Variants in LRFN5 observed in about 807,000 individuals in gnomAD.
LRFN5 encodes the protein leucine-rich repeat and fibronectin type-III domain-containing protein 5.
In LRFN5, 24 loss-of-function variants were observed where a neutral mutation model predicts 45.6. That is an observed-to-expected ratio of 0.53 (90% CI 0.38 to 0.74). The LOEUF (loss-of-function observed/expected upper bound fraction) is 0.74. LRFN5 is among the 30% of genes least tolerant of loss of function. LRFN5 has a pLI of 0.00. For synonymous variants in LRFN5, 340 were observed against 313.8 expected, an observed-to-expected ratio of 1.08 and a Z score of -0.88; for missense variants, 776 against 861.5, an observed-to-expected ratio of 0.90 and a Z score of 1.24.
At chr14:41,609,049 T>C (rs1422482048) in intron 1 of LRFN5, among the ~76,000 whole-genome samples, 1 of 152,226 alleles carries the variant, frequency 6.6e-6, no homozygotes, top group East Asian at 1.9e-4. Flanking sequence ...CAGATCTTTT[T>C]AGTAGTTGTA....
intron 2 of LRFN5, among the ~76,000 whole-genome samples, chr14:41,813,871 T>C (rs1394110000): frequency 1.3e-5 from 2 of 151,814 alleles, no homozygotes; most frequent in East Asian, 3.9e-4. Context: ...CCTGACTTTT[T>C]AATCTAATTG....
intron 1 of LRFN5, among the ~76,000 whole-genome samples, chr14:41,702,822 G>T (rs955291152): frequency 4.0e-5 from 6 of 151,692 alleles, no homozygotes; most frequent in African/African-American, 7.3e-5. Context: ...TGGAGATAAG[G>T]ATATACACTA....
chr14:41,891,908 C>T lies in LRFN5; in HGVS notation c.2044C>T (p.Pro682Ser). Residue 682 changes from proline to serine, a missense_variant, in exon 4 of 6, where the codon CCT becomes TCT. This residue lies in a region of LRFN5 where 465 missense variants were observed against 456.4 expected (regional missense o/e 1.02). Transcript: ENST00000298119. Reference protein sequence around the residue: ...NSTALQLASRPPDSVTEGPTS... With the variant: ...NSTALQLASRSPDSVTEGPTS... Reference sequence around the variant, plus strand: ...AACTGCCTTGCAGTTAGCTAGCCGTCCTCCCGATTCTGTCACAGAGGGGCC... The same window carrying T: ...AACTGCCTTGCAGTTAGCTAGCCGTTCTCCCGATTCTGTCACAGAGGGGCC... 6.2e-7 allele frequency: 1 copy of T among 1,614,146 alleles called. No homozygotes were observed. The highest frequency in any genetic ancestry group is 8.5e-7 in the Non-Finnish European group (1 of 1,180,036).
chr14:41,639,782 GT>G (rs1879481513), intron 1 of LRFN5, among the ~76,000 whole-genome samples: 1 of 151,594 alleles, frequency 6.6e-6, no homozygotes, highest in South Asian at 2.1e-4. Flanking sequence ...TAATTAACTA[GT>G]TAATGTATTT....
At chr14:41,829,792 T>C (rs979666974) in intron 2 of LRFN5, among the ~76,000 whole-genome samples, 2 of 151,764 alleles carry the variant, frequency 1.3e-5, no homozygotes, top group Non-Finnish European at 2.9e-5. Flanking sequence ...TTTTTAGTAA[T>C]ACTTTTTTTT....
intron 2 of LRFN5, among the ~76,000 whole-genome samples, chr14:41,774,560 C>T (rs561560175): frequency 2.0e-5 from 3 of 152,072 alleles, no homozygotes; most frequent in South Asian, 2.1e-4. Context: ...GAATAAAACA[C>T]GACAAAATTT....
At chr14:41,659,059 TA>T (rs1191641012) in intron 1 of LRFN5, among the ~76,000 whole-genome samples, 3 of 152,010 alleles carry the variant, frequency 2.0e-5, no homozygotes, top group Admixed American at 6.6e-5. Flanking sequence ...ATGTAATGTT[TA>T]TTATTATTAT....
intron 1 of LRFN5, among the ~76,000 whole-genome samples, chr14:41,633,630 T>C (rs1248009213): frequency 2.6e-5 from 4 of 152,116 alleles, no homozygotes; most frequent in African/African-American, 4.8e-5. Context: ...ATAAAAGTCA[T>C]TGCAATTATG....
At chr14:41,668,594 G>A (rs76046405) in intron 1 of LRFN5, among the ~76,000 whole-genome samples, 1 of 152,094 alleles carries the variant, frequency 6.6e-6, no homozygotes, top group Non-Finnish European at 1.5e-5. Flanking sequence ...GCTGTTATGG[G>A]TTTTAACCAT....
chr14:41,737,494 C>T (rs891671376), intron 1 of LRFN5, among the ~76,000 whole-genome samples: 11 of 152,122 alleles, frequency 7.2e-5, no homozygotes, highest in East Asian at 5.8e-4. Context: ...ATTGGAAGTT[C>T]GGAGCAGGGC....
intron 1 of LRFN5, among the ~76,000 whole-genome samples, chr14:41,742,375 G>T (rs1884737788): frequency 6.8e-6 from 1 of 148,086 alleles, no homozygotes; most frequent in Non-Finnish European, 1.5e-5. Context: ...TAAAAATAAG[G>T]AAATTTTTTT....
At chr14:41,620,690 T>C (rs930962253) in intron 1 of LRFN5, among the ~76,000 whole-genome samples, 16 of 152,060 alleles carry the variant, frequency 1.1e-4, no homozygotes, top group African/African-American at 3.9e-4. Context: ...ATTATTCTAT[T>C]GGGATCAAAA....
intron 1 of LRFN5, among the ~76,000 whole-genome samples, chr14:41,629,220 G>T (rs776290041): frequency 6.6e-6 from 1 of 151,998 alleles, no homozygotes; most frequent in Non-Finnish European, 1.5e-5. Context: ...GTCTTTAAAG[G>T]TTATTCTTCA....
chr14:41,673,939 C>A (rs1313136508), intron 1 of LRFN5, among the ~76,000 whole-genome samples: 6 of 141,978 alleles, frequency 4.2e-5, no homozygotes, highest in African/African-American at 1.6e-4. Flanking sequence ...GCTGGCTGGG[C>A]GGGGGGCTGA....
At chr14:41,642,402 GTCT>G (rs1405475399) in intron 1 of LRFN5, among the ~76,000 whole-genome samples, 17 of 152,130 alleles carry the variant, frequency 1.1e-4, no homozygotes, top group African/African-American at 3.4e-4. Context: ...GATAACATTA[GTCT>G]TCTTCTAGCT....
intron 1 of LRFN5, among the ~76,000 whole-genome samples, chr14:41,635,035 T>C (rs1018472312): frequency 6.6e-6 from 1 of 152,108 alleles, no homozygotes; most frequent in African/African-American, 2.4e-5. Flanking sequence ...ATCGGGGAAT[T>C]ATTATACCAT....
chr14:41,851,782 G>C (rs1429196635), intron 2 of LRFN5, among the ~76,000 whole-genome samples: 1 of 151,728 alleles, frequency 6.6e-6, no homozygotes, highest in Non-Finnish European at 1.5e-5. Context: ...TATTAGTATT[G>C]CATGTTTCAG....
chr14:41,824,176 A>G (rs1888217766), intron 2 of LRFN5, among the ~76,000 whole-genome samples: 1 of 152,190 alleles, frequency 6.6e-6, no homozygotes, highest in Non-Finnish European at 1.5e-5. Flanking sequence ...CAGAATTTCC[A>G]TTTCTGATAG....
chr14:41,674,948 TC>T (rs1881534931), intron 1 of LRFN5, among the ~76,000 whole-genome samples: 1 of 139,798 alleles, frequency 7.2e-6, no homozygotes, highest in Non-Finnish European at 1.5e-5. Context: ...GTAGAGGCGC[TC>T]CTCACATCCC....
Sources: gnomAD v4.1 joint callset for allele counts (sites outside exome capture counted in the v4.1 genomes callset) on GRCh38, gnomAD v4.1.1 for gene constraint, gnomAD v4.1.1 regional missense constraint, MANE v1.5 for transcripts, NCBI Gene and HGNC (gene_info 2026-07-23, HGNC 2026-07-21) for gene names.